Variants in GLG1 observed in about 807,000 individuals in gnomAD.
GLG1 encodes the protein Golgi apparatus protein 1.
GLG1 carries 38 observed loss-of-function variants against 160.5 expected under a neutral mutation model. The ratio of observed to expected loss-of-function variants is 0.24; its 90% CI spans 0.18 to 0.31. GLG1 has a LOEUF of 0.31. GLG1 is among the 10% of genes least tolerant of loss of function. GLG1 has a pLI of 1.00. For missense variants in GLG1, 1,373 were observed against 1,505.2 expected, an observed-to-expected ratio of 0.91 and a Z score of 1.45; for synonymous variants, 644 against 543.4, an observed-to-expected ratio of 1.19 and a Z score of -2.57.
rs1485131770 is a variant in GLG1 at position 74,474,568 on chromosome 16, T to C, written c.2030A>G (p.Asn677Ser). Residue 677 changes from asparagine (N) to serine (S), a missense_variant, in exon 13 of 26, where the codon AAC becomes AGC. By Grantham distance (46) the Asn-to-Ser change is conservative (BLOSUM62 1). Coordinates refer to ENST00000422840, the MANE Select transcript of GLG1 (RefSeq NM_001145667.2). Reference protein sequence around the residue: ...LVVECRDIVGNLTELESEDIQ... With the variant: ...LVVECRDIVGSLTELESEDIQ... The stretch of plus-strand genomic sequence containing the variant: ...TACCTCTGATTCTAACTCAGTGAGG[T>C]TGCCAACTATATCTCTACACTCCAC... 1 of 1,552,738 alleles carries C rather than the reference T, an allele frequency of 6.4e-7. No homozygotes were observed. The highest frequency in any genetic ancestry group is 1.7e-5 in the Admixed American group (1 of 59,946).
intron 1 of GLG1, among the ~76,000 whole-genome samples, chr16:74,588,652 C>G (rs781098170): frequency 1.2e-4 from 18 of 152,144 alleles, no homozygotes; most frequent in African/African-American, 4.1e-4. Context: ...CTCCTAGGCT[C>G]AGGAAATCCA....
rs2014245826 is a variant in GLG1, at chr16:74,450,478, A to G, written c.*2689T>C. On this transcript the variant is annotated 3_prime_UTR_variant, in exon 26 of 26. Transcript: ENST00000422840. ...GTCATTGGAAAATGCTCCAAGTAAG[A>G]TGATGAAAGACATTCTTGTAATAAG... 6.6e-6 allele frequency: 1 copy of G among 152,208 alleles called. No individual in the cohort carries two copies. The allele number at this position is 152,208 out of a possible 1,614,324, so 9.4% of individuals were successfully genotyped here. A position where few individuals can be genotyped will look rare whatever the true frequency, so the allele number is the denominator to read the frequency against.
At position 74,452,057 on chromosome 16, in the gene GLG1, C is replaced by G. The variant is rs749883852; in HGVS notation, c.*1110G>C. On this transcript the variant is annotated 3_prime_UTR_variant, in exon 26 of 26. Transcript: ENST00000422840. Reference sequence around the variant, plus strand: ...GTTTGTCTGGAGTGTGCAGAAAGGTCAGGCTGGACTGCCTGTCACATCCTG... The same window carrying G: ...GTTTGTCTGGAGTGTGCAGAAAGGTGAGGCTGGACTGCCTGTCACATCCTG... 1 of 1,610,954 alleles carries G rather than the reference C, an allele frequency of 6.2e-7. No homozygotes were observed. The highest frequency in any genetic ancestry group is 2.2e-5 in the East Asian group (1 of 44,886).
intron 4 of GLG1, among the ~76,000 whole-genome samples, chr16:74,502,130 T>G (rs992866992): frequency 6.6e-6 from 1 of 152,158 alleles, no homozygotes; most frequent in East Asian, 1.9e-4. Context: ...AAGGGACAAA[T>G]GGGTTTTATT....
intron 1 of GLG1, among the ~76,000 whole-genome samples, chr16:74,544,970 A>C (rs1325031243): frequency 6.6e-6 from 1 of 151,878 alleles, no homozygotes; most frequent in Non-Finnish European, 1.5e-5. Flanking sequence ...TCAATCTCAA[A>C]AATAAGAAAA....
intron 25 of GLG1, among the ~76,000 whole-genome samples, chr16:74,456,106 G>A (rs143284255): frequency 2.0e-5 from 3 of 152,282 alleles, no homozygotes; most frequent in East Asian, 3.9e-4. Context: ...CCTAAAGACT[G>A]TAAAATGATA....
intron 2 of GLG1, among the ~76,000 whole-genome samples, chr16:74,527,652 C>T (rs1276777074): frequency 6.6e-6 from 1 of 152,078 alleles, no homozygotes; most frequent in Non-Finnish European, 1.5e-5. Context: ...ATCCTTTTAC[C>T]TTCAAGAATT....
At chr16:74,548,986 C>T (rs1191588545) in intron 1 of GLG1, among the ~76,000 whole-genome samples, 1 of 151,646 alleles carries the variant, frequency 6.6e-6, no homozygotes, top group Non-Finnish European at 1.5e-5. Flanking sequence ...ACAGAGACTC[C>T]ATCACCAAAA....
At chr16:74,509,492 T>A (rs2016731132) in intron 2 of GLG1, among the ~76,000 whole-genome samples, 1 of 151,918 alleles carries the variant, frequency 6.6e-6, no homozygotes, top group African/African-American at 2.4e-5. Context: ...ATAGATCGGT[T>A]TCATGGAGGA....
intron 1 of GLG1, among the ~76,000 whole-genome samples, chr16:74,600,443 G>GA (rs1283722793): frequency 6.6e-6 from 1 of 152,020 alleles, no homozygotes; most frequent in Non-Finnish European, 1.5e-5. Flanking sequence ...CCTTGCTTAA[G>GA]AAAAGAGGCC....
intron 23 of GLG1, among the ~76,000 whole-genome samples, chr16:74,459,151 A>G (rs2143156038): frequency 6.6e-6 from 1 of 152,344 alleles, no homozygotes; most frequent in South Asian, 2.1e-4. Context: ...GTTCTCAATT[A>G]TTCAATAATG....
chr16:74,516,959 T>C (rs995555132), intron 2 of GLG1, among the ~76,000 whole-genome samples: 5 of 151,994 alleles, frequency 3.3e-5, no homozygotes, highest in Non-Finnish European at 5.9e-5. Context: ...CTAGAAGAAA[T>C]GGATAAATTC....
chr16:74,574,293 G>A (rs2018924725), intron 1 of GLG1, among the ~76,000 whole-genome samples: 2 of 152,152 alleles, frequency 1.3e-5, no homozygotes, highest in Non-Finnish European at 2.9e-5. Flanking sequence ...TAAAGCTAAC[G>A]CTAAACAGGT....
intron 1 of GLG1, among the ~76,000 whole-genome samples, chr16:74,595,590 T>C (rs1257944674): frequency 6.6e-6 from 1 of 152,224 alleles, no homozygotes; most frequent in African/African-American, 2.4e-5. Context: ...CCATTTCCTG[T>C]ACTGTACGCC....
At chr16:74,585,481 C>T (rs1015727818) in intron 1 of GLG1, among the ~76,000 whole-genome samples, 1 of 151,956 alleles carries the variant, frequency 6.6e-6, no homozygotes, top group Non-Finnish European at 1.5e-5. Flanking sequence ...CTGAGATGGG[C>T]GGATCATGAG....
intron 2 of GLG1, among the ~76,000 whole-genome samples, chr16:74,522,407 G>C (rs2017194699): frequency 6.6e-6 from 1 of 152,202 alleles, no homozygotes; most frequent in African/African-American, 2.4e-5. Context: ...CTCGGTATTG[G>C]CACTGTCAAG....
At chr16:74,533,270 G>A (rs1355124361) in intron 1 of GLG1, among the ~76,000 whole-genome samples, 9 of 152,164 alleles carry the variant, frequency 5.9e-5, no homozygotes, top group East Asian at 5.8e-4. Context: ...GCAGTGAACC[G>A]AGATCGCACC....
intron 2 of GLG1, among the ~76,000 whole-genome samples, chr16:74,526,805 C>T (rs1195994141): frequency 6.6e-6 from 1 of 152,200 alleles, no homozygotes; most frequent in Non-Finnish European, 1.5e-5. Context: ...TGAAGAGGAA[C>T]AGAAGATGCT....
chr16:74,496,207 G>T (rs955152225), intron 5 of GLG1, among the ~76,000 whole-genome samples: 4 of 152,166 alleles, frequency 2.6e-5, no homozygotes, highest in Non-Finnish European at 4.4e-5. Context: ...GTTGGAGGCT[G>T]CAGTGAGCCA....
Sources: allele counts gnomAD v4.1 joint callset (sites outside exome capture counted in the v4.1 genomes callset), GRCh38; gene constraint gnomAD v4.1.1; transcripts MANE v1.5; gene names NCBI Gene and HGNC (gene_info 2026-07-23, HGNC 2026-07-21).